FNIP1: variants seen among roughly 807,000 people sequenced by gnomAD.
The protein encoded by FNIP1 is folliculin-interacting protein 1.
A neutral mutation model predicts 124.5 loss-of-function variants in FNIP1; 40 were observed. That is an observed-to-expected ratio of 0.32 (90% CI 0.25 to 0.42). The LOEUF (loss-of-function observed/expected upper bound fraction) is 0.42. Ranked by LOEUF, FNIP1 falls within the 10% of genes least tolerant of loss-of-function variation. The probability of loss-of-function intolerance (pLI) is 1.00; values close to 1 mark genes in which losing one functional copy is unlikely to be tolerated. For missense variants in FNIP1, 1,176 were observed against 1,403.7 expected (o/e 0.84, Z 2.59); for synonymous variants, 472 against 470.6 (o/e 1.00, Z -0.04).
chr5:131,666,273 T>C (rs967934832), intron 15 of FNIP1, among the ~76,000 whole-genome samples: 7 of 152,164 alleles, frequency 4.6e-5, no homozygotes, highest in African/African-American at 1.7e-4. Context: ...AGATTGAAGG[T>C]ATTTTATTTT....
intron 2 of FNIP1, among the ~76,000 whole-genome samples, chr5:131,731,508 G>A (rs895210207): frequency 6.6e-6 from 1 of 152,018 alleles, no homozygotes; most frequent in African/African-American, 2.4e-5. Context: ...ACAAAAATTA[G>A]CTGGGCATGG....
intron 1 of FNIP1, among the ~76,000 whole-genome samples, chr5:131,757,743 G>A (rs923017467): frequency 2.6e-5 from 4 of 152,094 alleles, no homozygotes; most frequent in African/African-American, 9.7e-5. Flanking sequence ...ACGGGGGAGG[G>A]AAGGATGGAG....
intron 13 of FNIP1, 99 bp downstream of exon 13, chr5:131,677,604 G>A: frequency 8.6e-7 from 1 of 1,163,896 alleles, no homozygotes; most frequent in Non-Finnish European, 1.2e-6. Flanking sequence ...GAATGCAGGA[G>A]GTAAAAGCAT....
chr5:131,650,291 T>C (rs1767004298), intron 16 of FNIP1, among the ~76,000 whole-genome samples: 1 of 152,202 alleles, frequency 6.6e-6, no homozygotes, highest in Non-Finnish European at 1.5e-5. Context: ...TTAATTTCTA[T>C]CAATAATGTT....
chr5:131,723,371 CAAATA>C (rs1479929660), intron 3 of FNIP1, among the ~76,000 whole-genome samples: 2 of 151,938 alleles, frequency 1.3e-5, no homozygotes, highest in African/African-American at 2.4e-5. Context: ...TACTATTATA[CAAATA>C]AAATAATCCC....
At chr5:131,780,297 A>G (rs911772352) in intron 1 of FNIP1, among the ~76,000 whole-genome samples, 1 of 152,110 alleles carries the variant, frequency 6.6e-6, no homozygotes, top group Non-Finnish European at 1.5e-5. Flanking sequence ...TACATATGGG[A>G]GTGTCAATGA....
At chr5:131,735,329 G>A (rs1039063976) in intron 2 of FNIP1, among the ~76,000 whole-genome samples, 5 of 151,936 alleles carry the variant, frequency 3.3e-5, no homozygotes, top group Non-Finnish European at 7.4e-5. Flanking sequence ...GGAGCGGGGA[G>A]GAACAGCATT....
intron 15 of FNIP1, among the ~76,000 whole-genome samples, chr5:131,662,733 A>ATTTT (rs34051607): frequency 6.8e-4 from 52 of 76,934 alleles, no homozygotes; most frequent in African/African-American, 1.3e-3. Flanking sequence ...GATATTCTAG[A>ATTTT]TTTTTTTTTT....
At chr5:131,743,599 T>G (rs908108551) in intron 2 of FNIP1, among the ~76,000 whole-genome samples, 1 of 152,102 alleles carries the variant, frequency 6.6e-6, no homozygotes, top group African/African-American at 2.4e-5. Flanking sequence ...AAAATTTATA[T>G]GTCGTCCTAA....
At chr5:131,705,129 A>C (rs1769053910) in intron 9 of FNIP1, among the ~76,000 whole-genome samples, 1 of 152,108 alleles carries the variant, frequency 6.6e-6, no homozygotes, top group African/African-American at 2.4e-5. Context: ...AAAGGACTTA[A>C]ATAGACATTT....
At chr5:131,657,941 T>C (rs1356676402) in intron 15 of FNIP1, among the ~76,000 whole-genome samples, 4 of 148,772 alleles carry the variant, frequency 2.7e-5, no homozygotes, top group African/African-American at 1.0e-4. Flanking sequence ...CTGGGGAGGC[T>C]GAGGCAGGCG....
chr5:131,677,734 A>G lies in FNIP1; in HGVS notation c.1488T>C (p.Thr496=), dbSNP rs1162406239. The change falls in exon 13 of 18, where the codon ACT becomes ACC. Residue 496 remains threonine (T), a synonymous_variant. Coordinates refer to ENST00000510461, the MANE Select transcript of FNIP1 (RefSeq NM_133372.3). The part of the protein sequence containing the change: ...SSQSVDMLAK[T]HPYNPLWAQL... ...GTGCCCAAAGTGGGTTATATGGATG[A>G]GTCTTTGCCAACATGTCCACACTCT... 2 of 1,613,984 alleles carry G rather than the reference A, an allele frequency of 1.2e-6. No individual in the cohort carries two copies. Among genetic ancestry groups the G allele is most frequent in the East Asian group, 2.2e-5 (1 of 44,888 alleles).
intron 1 of FNIP1, among the ~76,000 whole-genome samples, chr5:131,760,866 G>C (rs1771203870): frequency 6.8e-6 from 1 of 146,948 alleles, no homozygotes; most frequent in Admixed American, 6.8e-5. Context: ...AGGAGGGAAA[G>C]AGGGAAGAAG....
rs529474476 is a variant in FNIP1, at chr5:131,752,796, G to A, written c.93-8106C>T. ...TTAAAACATGGCCACGGCCGGGCGC[G>A]GTGGCTCACGCCTGTAATCCCAGCA... On this transcript the variant is annotated intron_variant, in intron 1 of 17. Transcript: ENST00000510461. Among the ~76,000 whole-genome samples the A allele has an allele frequency of 3.6e-4, 55 of 152,294 alleles. 1 individual carries two copies. In the South Asian group the frequency reaches 0.01, roughly 28 times the overall value.
intron 11 of FNIP1, among the ~76,000 whole-genome samples, chr5:131,689,549 G>A (rs770671711): frequency 5.9e-5 from 9 of 152,136 alleles, no homozygotes; most frequent in Non-Finnish European, 1.5e-5. Context: ...GGAGAAATTG[G>A]AATATTTTGT....
chr5:131,661,498 A>G (rs1017101319), intron 15 of FNIP1, among the ~76,000 whole-genome samples: 1 of 152,164 alleles, frequency 6.6e-6, no homozygotes, highest in African/African-American at 2.4e-5. Flanking sequence ...TTGAGCCTTG[A>G]TAAGTCAGTA....
chr5:131,713,009 ACT>A (rs747081066), intron 6 of FNIP1, among the ~76,000 whole-genome samples: 6 of 150,880 alleles, frequency 4.0e-5, no homozygotes, highest in Non-Finnish European at 7.4e-5. Flanking sequence ...CATGTAACAC[ACT>A]CTCTGTATTT....
Position 131,655,084 on chromosome 5 carries a change from C to T in FNIP1, c.3109-3085G>A, listed in dbSNP as rs182766602. 3.0e-3 allele frequency among the ~76,000 whole-genome samples: 454 copies of T among 152,182 alleles called. 7 individuals are homozygous for T. Among genetic ancestry groups the T allele is most frequent in the Non-Finnish European group, 3.4e-3 (232 of 68,008 alleles). On this transcript the variant is annotated intron_variant, in intron 15 of 17. Transcript: ENST00000510461. ...TTTGAACTACAGGTCCACTTAGATG[C>T]CAATTTTTTCCAATATAATATATGG...
chr5:131,753,104 A>C (rs559383807), intron 1 of FNIP1, among the ~76,000 whole-genome samples: 8 of 152,138 alleles, frequency 5.3e-5, no homozygotes, highest in East Asian at 1.9e-4. Context: ...AACAAACAAA[A>C]AAAATGGCCA....
Sources: gnomAD v4.1 joint callset for allele counts (sites outside exome capture counted in the v4.1 genomes callset) on GRCh38, gnomAD v4.1.1 for gene constraint, MANE v1.5 for transcripts, NCBI Gene and HGNC (gene_info 2026-07-23, HGNC 2026-07-21) for gene names.